SRCAP: variants seen among roughly 807,000 people sequenced by gnomAD.
The protein encoded by SRCAP is Snf2 related CREBBP activator protein, also known as chromatin remodeling protein SRCAP.
A neutral mutation model predicts 263.1 loss-of-function variants in SRCAP; 46 were observed. The observed-to-expected ratio is 0.17, with a 90% CI of 0.14 to 0.22. The LOEUF (loss-of-function observed/expected upper bound fraction) is 0.22. SRCAP is among the 10% of genes least tolerant of loss of function. The probability of loss-of-function intolerance (pLI) is 1.00; values close to 1 mark genes in which losing one functional copy is unlikely to be tolerated. For missense variants in SRCAP, 3,695 were observed against 4,181.9 expected, an observed-to-expected ratio of 0.88 and a Z score of 3.21; for synonymous variants, 1,813 against 1,662.1, an observed-to-expected ratio of 1.09 and a Z score of -2.21.
chr16:30,732,000 C>T (rs2053118606), intron 27 of SRCAP, among the ~76,000 whole-genome samples: 1 of 151,676 alleles, frequency 6.6e-6, no homozygotes, highest in Non-Finnish European at 1.5e-5. Flanking sequence ...CAAAAATTAG[C>T]CAGGCGTGGT....
At position 30,729,057 on chromosome 16, in the gene SRCAP, T is replaced by C; in HGVS notation, c.5750T>C (p.Val1917Ala). 1 of 1,614,152 alleles carries C rather than the reference T, an allele frequency of 6.2e-7. No homozygotes were observed. Among genetic ancestry groups the C allele is most frequent in the Non-Finnish European group, 8.5e-7 (1 of 1,180,024 alleles). Residue 1917 changes from valine (V) to alanine (A), a missense_variant, in exon 26 of 34, where the codon GTG (valine) becomes GCG (alanine). Val to Ala is a moderately conservative substitution (Grantham distance 64, BLOSUM62 0). Coordinates refer to ENST00000262518, the MANE Select transcript of SRCAP (RefSeq NM_006662.3). ...GAGGCTCATGGGGCCCTGGCACCTGTGTATGGGACTGAAGTCCTGGATTTC... is the reference window on the plus strand; with the variant it reads ...GAGGCTCATGGGGCCCTGGCACCTGCGTATGGGACTGAAGTCCTGGATTTC... ...LSEAHGALAP[V>A]YGTEVLDFCT... is the part of the protein sequence containing the mutation.
Position 30,713,286 on chromosome 16 carries a change from C to T in SRCAP, c.2209C>T (p.Arg737Cys). The T allele has an allele frequency of 1.2e-6, 2 of 1,614,130 alleles. No homozygotes were observed. Among genetic ancestry groups the T allele is most frequent in the Non-Finnish European group, 1.7e-6 (2 of 1,180,038 alleles). Reference sequence around the variant, plus strand: ...GCTGCAGGACCACCAGGCCTTCCGTCGCAAGAACTGGCGCTATCTCATTCT... The same window carrying T: ...GCTGCAGGACCACCAGGCCTTCCGTTGCAAGAACTGGCGCTATCTCATTCT... ...LVLQDHQAFR[R>C]KNWRYLILDE... The change falls in exon 15 of 34, where the codon CGC becomes TGC. Residue 737 changes from arginine (R) to cysteine (C), a missense_variant. Transcript: ENST00000262518.
chr16:30,738,491 G>A lies in SRCAP; in HGVS notation c.8451G>A (p.Leu2817=). 1 of 1,604,286 alleles carries A rather than the reference G, an allele frequency of 6.2e-7. No homozygotes were observed. The highest frequency in any genetic ancestry group is 1.7e-5 in the Admixed American group (1 of 58,562). ...GPCEAAPSSS[L]PTPPQQPFIA... is the part of the protein sequence containing the mutation. Reference sequence around the variant, plus strand: ...GTGAAGCTGCTCCTTCATCCTCACTGCCCACTCCACCCCAGCAGCCCTTCA... The same window carrying A: ...GTGAAGCTGCTCCTTCATCCTCACTACCCACTCCACCCCAGCAGCCCTTCA... Residue 2817 remains leucine (L), a synonymous_variant, in exon 34 of 34, where the codon CTG becomes CTA. Transcript: ENST00000262518.
chr16:30,716,401 C>G lies in SRCAP; in HGVS notation c.2739C>G (p.Thr913=). The part of the protein sequence containing the change: ...HPNLFDPRPV[T]SPFITPGICF... ...ATCTGTTCGACCCTCGACCGGTTAC[C>G]TCCCCTTTCATCACCCCAGGCATCT... Residue 913 remains threonine (T), a synonymous_variant, in exon 18 of 34, where the codon ACC becomes ACG. Coordinates refer to ENST00000262518, the MANE Select transcript of SRCAP (RefSeq NM_006662.3). The G allele has an allele frequency of 1.2e-6, 2 of 1,614,212 alleles. No individual in the cohort carries two copies. Among genetic ancestry groups the G allele is most frequent in the Non-Finnish European group, 1.7e-6 (2 of 1,180,042 alleles).
Position 30,741,298 on chromosome 16 carries a change from T to TACC in SRCAP, c.*1566_*1568dup, listed in dbSNP as rs1293956436. 2 of 154,118 alleles carry TACC rather than the reference T, an allele frequency of 1.3e-5. No homozygotes were observed. The highest frequency in any genetic ancestry group is 2.9e-5 in the Non-Finnish European group (2 of 69,446). 9.5% of individuals were successfully genotyped at this position (154,118 alleles called of 1,614,324 possible). ...CTGCTTTGCTTGAAACGGGTTGCAG[T>TACC]ACCTAGGGTCCTGCTCTCTGACATC... On this transcript the variant is annotated 3_prime_UTR_variant, in exon 34 of 34. Transcript: ENST00000262518.
rs1390821763 is a variant in SRCAP at position 30,711,899 on chromosome 16, A to G, written c.1557A>G (p.Gly519=). The G allele has an allele frequency of 1.9e-6, 3 of 1,613,872 alleles. No homozygotes were observed. Among genetic ancestry groups the G allele is most frequent in the Non-Finnish European group, 1.7e-6 (2 of 1,180,002 alleles). ...DEHSEEEETS[G]SSASEESESE... ...ATTCAGAGGAGGAAGAAACAAGTGG[A>G]AGTTCAGCATCAGAGGAATCTGAGT... The change falls in exon 12 of 34, where the codon GGA becomes GGG. Residue 519 remains glycine (G), a synonymous_variant. Coordinates refer to ENST00000262518, the MANE Select transcript of SRCAP (RefSeq NM_006662.3).
At chr16:30,736,435 C>T (rs1471931027) in intron 32 of SRCAP, 41 bp downstream of exon 32, 2 of 1,605,054 alleles carry the variant, frequency 1.2e-6, no homozygotes, top group South Asian at 1.1e-5. Flanking sequence ...TACTGCTTCC[C>T]CTGGGCTTGT....
At chr16:30,713,947 G>T (rs2052918162) in intron 16 of SRCAP, among the ~76,000 whole-genome samples, 1 of 150,870 alleles carries the variant, frequency 6.6e-6, no homozygotes, top group South Asian at 2.1e-4. Context: ...GCCCAGGCTG[G>T]AGTGCAGTGT....
chr16:30,717,881 A>G (rs1489877834), intron 18 of SRCAP, among the ~76,000 whole-genome samples: 1 of 148,808 alleles, frequency 6.7e-6, no homozygotes, highest in East Asian at 2.0e-4. Flanking sequence ...TGCTGGGATT[A>G]CAGATGTGAG....
chr16:30,712,153 C>A lies in SRCAP; in HGVS notation c.1811C>A (p.Thr604Asn). ...CCCAAGGGTTACACGCTGGCCACGA[C>A]CCAGGTATCCCCAGGTTCTGGCCTC... ...LQPKGYTLAT[T>N]QVKTPIPLLL... is the part of the protein sequence containing the mutation. The change falls in exon 12 of 34, where the codon ACC becomes AAC. Residue 604 changes from threonine (T) to asparagine (N), a missense_variant. Coordinates refer to ENST00000262518, the MANE Select transcript of SRCAP (RefSeq NM_006662.3). 1 of 1,611,866 alleles carries A rather than the reference C, an allele frequency of 6.2e-7. No individual in the cohort carries two copies. The highest frequency in any genetic ancestry group is 8.5e-7 in the Non-Finnish European group (1 of 1,178,212).
chr16:30,717,044 G>T (rs2052957717), intron 18 of SRCAP, among the ~76,000 whole-genome samples: 1 of 152,160 alleles, frequency 6.6e-6, no homozygotes, highest in Non-Finnish European at 1.5e-5. Context: ...CATAGTAGCT[G>T]CATGTTTTAC....
chr16:30,717,488 C>T (rs1262603752), intron 18 of SRCAP, among the ~76,000 whole-genome samples: 2 of 151,658 alleles, frequency 1.3e-5, no homozygotes. Context: ...TCTCTGTCAC[C>T]CAGGCTAGAG....
In SRCAP at chr16:30,729,495, G is replaced by T; in HGVS notation, c.6050G>T (p.Arg2017Leu). ...CAATTGGCCTCTGAGCTCTGGCCCC[G>T]GGCTCGTCCTTTGCACCGTATTGTG... ...QEQLASELWP[R>L]ARPLHRIVCN... Residue 2017 changes from arginine to leucine, a missense_variant, in exon 27 of 34, where the codon CGG (arginine) becomes CTG (leucine). Coordinates refer to ENST00000262518, the MANE Select transcript of SRCAP (RefSeq NM_006662.3). 2 of 1,614,140 alleles carry T rather than the reference G, an allele frequency of 1.2e-6. No homozygotes were observed. Among genetic ancestry groups the T allele is most frequent in the South Asian group, 2.2e-5 (2 of 91,082 alleles).
chr16:30,722,335 C>A, intron 22 of SRCAP, 49 bp downstream of exon 22: 2 of 1,580,640 alleles, frequency 1.3e-6, no homozygotes, highest in South Asian at 1.1e-5. Context: ...TCTTCCCTGT[C>A]TCTTTGTTTT....
In SRCAP at chr16:30,736,526, C is replaced by T. The variant is rs542056675; in HGVS notation, c.6925-15C>T. The T allele has an allele frequency of 3.3e-5, 54 of 1,614,006 alleles. No individual in the cohort carries two copies. Among genetic ancestry groups the T allele is most frequent in the Non-Finnish European group, 3.9e-5 (46 of 1,179,974 alleles). ...ACCAGGTTCCTAAGTTTATCACCACCGCTCCTCCTTGCAGCTGACCCCCAT... is the reference window on the plus strand; with the variant it reads ...ACCAGGTTCCTAAGTTTATCACCACTGCTCCTCCTTGCAGCTGACCCCCAT... On this transcript the variant is annotated splice_polypyrimidine_tract_variant and intron_variant, in intron 32 of 33. Coordinates refer to ENST00000262518, the MANE Select transcript of SRCAP (RefSeq NM_006662.3).
Position 30,704,119 on chromosome 16 carries a change from C to G in SRCAP, c.110C>G (p.Ser37Cys). 1 of 1,614,118 alleles carries G rather than the reference C, an allele frequency of 6.2e-7. No individual in the cohort carries two copies. The highest frequency in any genetic ancestry group is 2.2e-5 in the East Asian group (1 of 44,876). Residue 37 changes from serine (S) to cysteine (C), a missense_variant, in exon 4 of 34, where the codon TCC becomes TGC. Around this residue, in one of 12 missense-constraint regions of SRCAP, gnomAD observed 122 missense variants for 116.9 expected, o/e 1.04. Transcript: ENST00000262518. ...SNPVSPASSS[S>C]PASSGAGGIS... Reference sequence around the variant, plus strand: ...CCTGTGTCCCCTGCCTCATCCAGTTCCCCAGCCTCTAGTGGGGCAGGCGGC... The same window carrying G: ...CCTGTGTCCCCTGCCTCATCCAGTTGCCCAGCCTCTAGTGGGGCAGGCGGC...
chr16:30,704,375 C>T (rs978831204), intron 4 of SRCAP, 60 bp downstream of exon 4: 86 of 1,512,412 alleles, frequency 5.7e-5, no homozygotes, highest in Middle Eastern at 1.8e-4. Context: ...ACTCCCACGT[C>T]CTCTTGAGTA....
rs547781224 is a variant in SRCAP at position 30,723,755 on chromosome 16, C to A, written c.4331C>A (p.Pro1444His). Residue 1444 changes from proline (P) to histidine (H), a missense_variant, in exon 25 of 34, where the codon CCC becomes CAC. Transcript: ENST00000262518. ...PLSSSLPISV[P>H]TTLPAPASAP... ...TCATCTTCACTCCCCATCTCTGTCC[C>A]CACCACACTTCCTGCCCCAGCCTCG... 6.2e-7 allele frequency: 1 copy of A among 1,614,090 alleles called. No homozygotes were observed. The highest frequency in any genetic ancestry group is 8.5e-7 in the Non-Finnish European group (1 of 1,180,008).
At chr16:30,702,640 T>A (rs984691863) in intron 3 of SRCAP, among the ~76,000 whole-genome samples, 3 of 130,330 alleles carry the variant, frequency 2.3e-5, no homozygotes, top group Non-Finnish European at 3.2e-5. Flanking sequence ...TCCTTCCTTC[T>A]CTCCCTCCTT....
Sources: gnomAD v4.1 joint callset for allele counts (sites outside exome capture counted in the v4.1 genomes callset) on GRCh38, gnomAD v4.1.1 for gene constraint, gnomAD v4.1.1 regional missense constraint, MANE v1.5 for transcripts, NCBI Gene and HGNC (gene_info 2026-07-23, HGNC 2026-07-21) for gene names.